The following SSRP1 variants were observed in gnomAD, a reference collection of about 807,000 sequenced individuals.
SSRP1 encodes structure specific recognition protein 1, also known as FACT complex subunit SSRP1.
SSRP1 carries 21 observed loss-of-function variants against 84.4 expected under a neutral mutation model. That is an observed-to-expected ratio of 0.25 (90% CI 0.18 to 0.36). The LOEUF (loss-of-function observed/expected upper bound fraction) is 0.36, where lower values mean the gene tolerates loss of function less well. Ranked by LOEUF, SSRP1 falls within the 10% of genes least tolerant of loss-of-function variation. The pLI is 1.00. For synonymous variants in SSRP1, 319 were observed against 318.3 expected, an observed-to-expected ratio of 1.00 and a Z score of -0.02; for missense variants, 519 against 900.8, an observed-to-expected ratio of 0.58 and a Z score of 5.43.
chr11:57,333,187 C>G, intron 4 of SSRP1, 38 bp from the exon 5 acceptor site: 1 of 1,572,040 alleles, frequency 6.4e-7, no homozygotes, highest in Non-Finnish European at 8.7e-7. Flanking sequence ...AAGCTCCTCC[C>G]CTTAAGTCTG....
intron 15 of SSRP1, 148 bp from the exon 16 acceptor site, chr11:57,327,037 C>G: frequency 7.2e-7 from 1 of 1,391,526 alleles, no homozygotes; most frequent in Non-Finnish European, 9.4e-7. Context: ...GCCTGGAGGG[C>G]ACCAAGGGAG....
chr11:57,332,144 A>T lies in SSRP1; in HGVS notation c.1001+8T>A, dbSNP rs200999510. Reference sequence around the variant, plus strand: ...AGGCAGGGCAGGATCCCAGGCCCACACTCTCACCCTTGGAAGTTGCCTGGC... The same window carrying T: ...AGGCAGGGCAGGATCCCAGGCCCACTCTCTCACCCTTGGAAGTTGCCTGGC... On this transcript the variant is annotated splice_region_variant and intron_variant, in intron 8 of 16. Coordinates refer to ENST00000278412, the MANE Select transcript of SSRP1 (RefSeq NM_003146.3). The surrounding 1 kb of genome is among the most constrained non-coding windows in gnomAD (Gnocchi z 5.5). The T allele has an allele frequency of 1.2e-6, 2 of 1,612,970 alleles. No homozygotes were observed. The highest frequency in any genetic ancestry group is 1.7e-6 in the Non-Finnish European group (2 of 1,179,868).
chr11:57,328,274 G>T, intron 13 of SSRP1, 23 bp downstream of exon 13: 1 of 1,613,016 alleles, frequency 6.2e-7, no homozygotes. Flanking sequence ...CCACACACAG[G>T]CCCTCCCATC....
chr11:57,334,873 G>A (rs1288289851), intron 2 of SSRP1, among the ~76,000 whole-genome samples, 195 bp downstream of exon 2: 3 of 152,228 alleles, frequency 2.0e-5, no homozygotes, highest in African/African-American at 7.2e-5. Flanking sequence ...ATTGGGAACT[G>A]AACAGCATAT....
chr11:57,327,512 C>G lies in SSRP1; in HGVS notation c.1785G>C (p.Glu595Asp). The G allele has an allele frequency of 6.2e-7, 1 of 1,614,144 alleles. No individual in the cohort carries two copies. Among genetic ancestry groups the G allele is most frequent in the East Asian group, 2.2e-5 (1 of 44,888 alleles). The change falls in exon 15 of 17, where the codon GAG becomes GAC. Residue 595 changes from glutamate (E) to aspartate (D), a missense_variant and splice_region_variant. Physicochemically the swap from Glu to Asp is conservative, Grantham distance 45. This residue lies in a region of SSRP1 where 197 missense variants were observed against 265.0 expected (regional missense o/e 0.74). Coordinates refer to ENST00000278412, the MANE Select transcript of SSRP1 (RefSeq NM_003146.3). ...WKGMSKEKKE[E>D]WDRKAEDARR... ...TGGCATCCTCAGCCTTGCGATCCCA[C>G]TCCTGTCTCACACACAGAAAAAAAC...
At chr11:57,329,904 A>G (rs1487522973) in intron 12 of SSRP1, 189 bp downstream of exon 12, 1 of 715,014 alleles carries the variant, frequency 1.4e-6, no homozygotes, top group East Asian at 2.7e-5. Flanking sequence ...TTCCGACTTC[A>G]AAATATGTCT....
At position 57,333,577 on chromosome 11, in the gene SSRP1, C is replaced by A. The variant is rs372744332; in HGVS notation, c.241-37G>T. On this transcript the variant is annotated intron_variant, in intron 3 of 16. Coordinates refer to ENST00000278412, the MANE Select transcript of SSRP1 (RefSeq NM_003146.3). ...GGGAAGAAAGCACAATCCCAGTAAA[C>A]CTTGGTGGCCTTAACACCGACTTGA... The A allele has an allele frequency of 1.2e-4, 180 of 1,489,476 alleles. 1 individual carries two copies. Among genetic ancestry groups the A allele is most frequent in the Non-Finnish European group, 7.5e-6 (8 of 1,067,276 alleles). 92.3% of individuals were successfully genotyped at this position (1,489,476 alleles called of 1,614,324 possible).
rs757236502 is a variant in SSRP1, at chr11:57,332,927, T to C, written c.537+32A>G. On this transcript the variant is annotated intron_variant, in intron 5 of 16. Coordinates refer to ENST00000278412, the MANE Select transcript of SSRP1 (RefSeq NM_003146.3). This position sits in a 1 kb window ranked among gnomAD's most constrained non-coding sequence, Gnocchi z 5.5. ...GCCAGCCAATGCCTGCTCAGCACCA[T>C]CTGCTGCCAAGGCAACCAGGGGAAG... The C allele has an allele frequency of 6.3e-7, 1 of 1,598,866 alleles. No individual in the cohort carries two copies. Among genetic ancestry groups the C allele is most frequent in the Non-Finnish European group, 8.5e-7 (1 of 1,170,200 alleles).
intron 13 of SSRP1, 22 bp downstream of exon 13, chr11:57,328,275 C>G: frequency 6.2e-7 from 1 of 1,612,972 alleles, no homozygotes. Flanking sequence ...CACACACAGG[C>G]CCTCCCATCT....
intron 2 of SSRP1, 29 bp from the exon 3 acceptor site, chr11:57,334,677 G>C (rs745666335): frequency 4.3e-6 from 7 of 1,611,832 alleles, no homozygotes; most frequent in Non-Finnish European, 5.9e-6. Context: ...CAGATGCATG[G>C]AGACAGTACA....
chr11:57,334,657 A>G lies in SSRP1; in HGVS notation c.55-9T>C. ...CTCAGTCGACCATCATTCTGTAAGA[A>G]AAGCAGGCCCAGATGCATGGAGACA... On this transcript the variant is annotated splice_polypyrimidine_tract_variant and intron_variant, in intron 2 of 16. Coordinates refer to ENST00000278412, the MANE Select transcript of SSRP1 (RefSeq NM_003146.3). The G allele has an allele frequency of 6.2e-7, 1 of 1,613,904 alleles. No individual in the cohort carries two copies. Among genetic ancestry groups the G allele is most frequent in the Non-Finnish European group, 8.5e-7 (1 of 1,180,002 alleles).
Position 57,330,134 on chromosome 11 carries a change from C to T in SSRP1, c.1440G>A (p.Glu480=). The T allele has an allele frequency of 6.2e-7, 1 of 1,614,164 alleles. No homozygotes were observed. The highest frequency in any genetic ancestry group is 8.5e-7 in the Non-Finnish European group (1 of 1,180,034). The part of the protein sequence containing the change: ...SSDDSGEETD[E]SFNPGEEEED... The stretch of plus-strand genomic sequence containing the variant: ...CCTCCTCTTCACCTGGGTTGAATGA[C>T]TCATCTGAAAAAGGGCACAGGATGC... The change falls in exon 12 of 17, where the codon GAG becomes GAA. Residue 480 remains glutamate (E), a synonymous_variant. Coordinates refer to ENST00000278412, the MANE Select transcript of SSRP1 (RefSeq NM_003146.3). This position sits in a 1 kb window ranked among gnomAD's most constrained non-coding sequence, Gnocchi z 4.0.
intron 14 of SSRP1, 92 bp downstream of exon 14, chr11:57,327,620 C>T (rs534722512): frequency 3.1e-6 from 5 of 1,600,284 alleles, no homozygotes; most frequent in East Asian, 2.2e-5. Flanking sequence ...ATGGCTCATA[C>T]TGCTCCCCTA....
Position 57,335,184 on chromosome 11 carries a change from C to T in SSRP1, c.-63G>A. 1 of 1,585,558 alleles carries T rather than the reference C, an allele frequency of 6.3e-7. No individual in the cohort carries two copies. ...GGCTGCACAAGGGAAACCAAGTAAA[C>T]TGGGAGCTGGGCCCCAACTCCTGAG... is the stretch of plus-strand genomic sequence containing the variant. On this transcript the variant is annotated 5_prime_UTR_variant, in exon 2 of 17. Coordinates refer to ENST00000278412, the MANE Select transcript of SSRP1 (RefSeq NM_003146.3). The surrounding 1 kb of genome is among the most constrained non-coding windows in gnomAD (Gnocchi z 4.6).
Position 57,328,701 on chromosome 11 carries a change from G to C in SSRP1, c.1482-275C>G, listed in dbSNP as rs1856032479. On this transcript the variant is annotated intron_variant, in intron 12 of 16. Transcript: ENST00000278412. ...AATGAGCTTCAGCGGATCTCCCTGG[G>C]CATGGCCAAACCAGGTCCTAGTCCA... 1.6e-5 allele frequency: 6 copies of C among 369,470 alleles called. No individual in the cohort carries two copies. In the East Asian group the frequency reaches 3.6e-4, roughly 22 times the overall value. The allele number at this position is 369,470 out of a possible 1,614,324, so 22.9% of individuals were successfully genotyped here.
chr11:57,330,587 C>T lies in SSRP1; in HGVS notation c.1297-158G>A, dbSNP rs778364350. On this transcript the variant is annotated intron_variant, in intron 10 of 16. Coordinates refer to ENST00000278412, the MANE Select transcript of SSRP1 (RefSeq NM_003146.3). The surrounding 1 kb of genome is among the most constrained non-coding windows in gnomAD (Gnocchi z 4.0). ...CACAGCCAACGTGCAGGGCCTATGC[C>T]CAAGTACTTCCTGCCAACTGGGTTA... 1.3e-5 allele frequency: 19 copies of T among 1,427,988 alleles called. No individual in the cohort carries two copies. Among genetic ancestry groups the T allele is most frequent in the Non-Finnish European group, 1.7e-5 (19 of 1,087,300 alleles). The allele number at this position is 1,427,988 out of a possible 1,614,324, so 88.5% of individuals were successfully genotyped here. A position where few individuals can be genotyped will look rare whatever the true frequency, so the allele number is the denominator to read the frequency against.
intron 2 of SSRP1, 146 bp from the exon 3 acceptor site, chr11:57,334,794 G>T: frequency 9.9e-7 from 1 of 1,010,400 alleles, no homozygotes; most frequent in Non-Finnish European, 1.5e-6. Context: ...AAGGAGTCTA[G>T]ATTCTAAACC....
chr11:57,326,948 ACCTCTC>A (rs1430485406), intron 15 of SSRP1, 59 bp from the exon 16 acceptor site: 1 of 1,485,526 alleles, frequency 6.7e-7, no homozygotes, highest in Non-Finnish European at 8.9e-7. Context: ...CCATGACCAA[ACCTCTC>A]CCAGCTTTAA....
rs1565056478 is a variant in SSRP1, at chr11:57,335,071, G to A, written c.51C>T (p.Ser17=). 6.2e-7 allele frequency: 1 copy of A among 1,614,008 alleles called. No homozygotes were observed. ...CACCTGTCCAAGCCATTCTCACCATGGAACCTTTCACCTCCTGATAGACGT... is the reference window on the plus strand; with the variant it reads ...CACCTGTCCAAGCCATTCTCACCATAGAACCTTTCACCTCCTGATAGACGT... ...FNDVYQEVKG[S]MNDGRLRLSR... Residue 17 remains serine, a synonymous_variant, in exon 2 of 17, where the codon TCC becomes TCT. Coordinates refer to ENST00000278412, the MANE Select transcript of SSRP1 (RefSeq NM_003146.3). This position sits in a 1 kb window ranked among gnomAD's most constrained non-coding sequence, Gnocchi z 4.6.
Sources: allele counts gnomAD v4.1 joint callset (sites outside exome capture counted in the v4.1 genomes callset), GRCh38; gene constraint gnomAD v4.1.1; regional missense constraint gnomAD v4.1.1; non-coding constraint Gnocchi (gnomAD v3.1); transcripts MANE v1.5; gene names NCBI Gene and HGNC (gene_info 2026-07-23, HGNC 2026-07-21).